Variants in NTM observed in about 807,000 individuals in gnomAD.
NTM encodes the protein neurotrimin, also known as IgLON family member 2.
Under a neutral mutation model 42.1 loss-of-function variants are expected in NTM, and 13 were observed. The ratio of observed to expected loss-of-function variants is 0.31; its 90% CI spans 0.20 to 0.49. NTM has a LOEUF of 0.49. Ranked by LOEUF, NTM falls within the 20% of genes least tolerant of loss-of-function variation. The probability of loss-of-function intolerance (pLI) is 0.99; values close to 1 mark genes in which losing one functional copy is unlikely to be tolerated. For synonymous variants in NTM, 187 were observed against 179.2 expected (o/e 1.04, Z -0.35); for missense variants, 373 against 452.8 (o/e 0.82, Z 1.60).
At chr11:132,202,939 A>C (rs1231377757) in intron 3 of NTM, among the ~76,000 whole-genome samples, 2 of 152,230 alleles carry the variant, frequency 1.3e-5, no homozygotes, top group Non-Finnish European at 2.9e-5. Context: ...ATGAGATGTA[A>C]CAAATGACAA....
intron 1 of NTM, among the ~76,000 whole-genome samples, chr11:131,554,200 C>G (rs992911748): frequency 4.6e-5 from 7 of 152,160 alleles, no homozygotes; most frequent in Non-Finnish European, 1.0e-4. Context: ...TCATGTGGCT[C>G]CTTCATGGCT....
At chr11:132,242,084 T>C (rs185852982) in intron 4 of NTM, among the ~76,000 whole-genome samples, 1 of 152,340 alleles carries the variant, frequency 6.6e-6, no homozygotes. Flanking sequence ...CATTCGGTTA[T>C]TTTTCTCACG....
At chr11:131,554,051 C>T (rs964170666) in intron 1 of NTM, among the ~76,000 whole-genome samples, 1 of 152,198 alleles carries the variant, frequency 6.6e-6, no homozygotes, top group African/African-American at 2.4e-5. Flanking sequence ...GAATCTTCCT[C>T]TACGAATGCT....
chr11:132,098,013 A>G (rs944190958), intron 2 of NTM, among the ~76,000 whole-genome samples: 1 of 152,232 alleles, frequency 6.6e-6, no homozygotes, highest in Admixed American at 6.5e-5. Flanking sequence ...CGTGGCAAGT[A>G]TTTTGCTGTA....
chr11:131,797,022 C>A (rs377589945), intron 1 of NTM, among the ~76,000 whole-genome samples: 1 of 152,084 alleles, frequency 6.6e-6, no homozygotes, highest in African/African-American at 2.4e-5. Context: ...TGTTTAAAGA[C>A]TAAAGGAAAT....
In NTM at chr11:132,124,205, CG is replaced by C. The variant is rs377493401; in HGVS notation, c.168-22075del. ...TTTCTGCTATTGCCCCTCCCATCCC[CG>C]GATCTTCGATCGGGCCATGGGTTCT... On this transcript the variant is annotated intron_variant, in intron 2 of 8. Coordinates refer to ENST00000683400, the MANE Select transcript of NTM (RefSeq NM_001352005.2). Among the ~76,000 whole-genome samples the C allele has an allele frequency of 1.0e-3, 157 of 152,262 alleles. 1 individual carries two copies. The highest frequency in any genetic ancestry group is 3.6e-3 in the African/African-American group (148 of 41,570).
At chr11:132,015,714 G>A (rs1483938268) in intron 2 of NTM, among the ~76,000 whole-genome samples, 2 of 150,510 alleles carry the variant, frequency 1.3e-5, no homozygotes, top group African/African-American at 2.4e-5. Context: ...TTCATTTTCA[G>A]CTAGTGCATT....
At chr11:131,429,659 G>A (rs957427110) in intron 1 of NTM, among the ~76,000 whole-genome samples, 2 of 152,156 alleles carry the variant, frequency 1.3e-5, no homozygotes. Context: ...TTCCATATAT[G>A]CTATTTGAAC....
intron 4 of NTM, among the ~76,000 whole-genome samples, chr11:132,287,573 G>A (rs2094294364): frequency 6.6e-6 from 1 of 152,164 alleles, no homozygotes; most frequent in Admixed American, 6.5e-5. Context: ...TGGAGAAAAG[G>A]ATCAGAGAGA....
intron 1 of NTM, among the ~76,000 whole-genome samples, chr11:131,750,111 G>A (rs745684045): frequency 2.0e-5 from 3 of 152,238 alleles, no homozygotes; most frequent in South Asian, 2.1e-4. Flanking sequence ...TACACTCAAC[G>A]GAGAGAAAGC....
At chr11:131,969,272 C>A (rs1222782967) in intron 2 of NTM, among the ~76,000 whole-genome samples, 1 of 152,108 alleles carries the variant, frequency 6.6e-6, no homozygotes, top group Non-Finnish European at 1.5e-5. Flanking sequence ...AAATACTAGC[C>A]TCTGTGAATG....
chr11:131,666,572 C>T (rs1016041087), intron 1 of NTM, among the ~76,000 whole-genome samples: 4 of 152,118 alleles, frequency 2.6e-5, no homozygotes, highest in Admixed American at 6.6e-5. Flanking sequence ...GAGACATACT[C>T]GACAAACACA....
chr11:131,649,209 G>T (rs1020833714), intron 1 of NTM, among the ~76,000 whole-genome samples: 4 of 152,182 alleles, frequency 2.6e-5, no homozygotes, highest in Non-Finnish European at 5.9e-5. Flanking sequence ...GATAGTAATT[G>T]AAACACTGTG....
At chr11:132,140,069 C>T (rs1214233053) in intron 2 of NTM, among the ~76,000 whole-genome samples, 2 of 152,178 alleles carry the variant, frequency 1.3e-5, no homozygotes, top group Non-Finnish European at 2.9e-5. Context: ...ATTTAATCTT[C>T]TCATTAACCC....
At chr11:131,994,305 G>A (rs1158314615) in intron 2 of NTM, among the ~76,000 whole-genome samples, 4 of 152,132 alleles carry the variant, frequency 2.6e-5, no homozygotes, top group African/African-American at 7.2e-5. Flanking sequence ...TGGGAAGGGA[G>A]TTCTGAAATA....
At chr11:131,542,822 C>T in intron 1 of NTM, among the ~76,000 whole-genome samples, 1 of 152,144 alleles carries the variant, frequency 6.6e-6, no homozygotes, top group Non-Finnish European at 1.5e-5. Context: ...TGCAGCCTGG[C>T]TCTTTGTCAA....
intron 1 of NTM, among the ~76,000 whole-genome samples, chr11:131,636,460 C>G (rs2064399715): frequency 6.6e-6 from 1 of 152,194 alleles, no homozygotes. Flanking sequence ...ATCCTGAAAA[C>G]ACCTTGCTTT....
chr11:131,440,827 A>G (rs901562921), intron 1 of NTM, among the ~76,000 whole-genome samples: 2 of 41,272 alleles, frequency 4.8e-5, no homozygotes, highest in African/African-American at 2.5e-4. Flanking sequence ...AAAAAAAAAA[A>G]AAAAAAAAAA....
chr11:132,002,865 CA>C lies in NTM; in HGVS notation c.167+91218del, dbSNP rs1016041697. Among the ~76,000 whole-genome samples, 4 of 148,648 alleles carry C rather than the reference CA, an allele frequency of 2.7e-5. No individual in the cohort carries two copies. The highest frequency in any genetic ancestry group is 1.1e-4 in the African/African-American group (4 of 38,066). On this transcript the variant is annotated intron_variant, in intron 2 of 8. Coordinates refer to ENST00000683400, the MANE Select transcript of NTM (RefSeq NM_001352005.2). The surrounding 1 kb of genome is among the most constrained non-coding windows in gnomAD (Gnocchi z 4.5). ...TTAAAGTCCTAGAACAAAGCCTGCACATAGCAAGCTCTTAGCCAATGTTAGC... is the reference window on the plus strand; with the variant it reads ...TTAAAGTCCTAGAACAAAGCCTGCACTAGCAAGCTCTTAGCCAATGTTAGC...
Sources: gnomAD v4.1 joint callset for allele counts (sites outside exome capture counted in the v4.1 genomes callset) on GRCh38, gnomAD v4.1.1 for gene constraint, Gnocchi (gnomAD v3.1) non-coding constraint, MANE v1.5 for transcripts, NCBI Gene and HGNC (gene_info 2026-07-23, HGNC 2026-07-21) for gene names.